The following PDE4B variants were observed in gnomAD, a reference collection of about 807,000 sequenced individuals.
PDE4B encodes the protein phosphodiesterase 4B, also known as 3',5'-cyclic-AMP phosphodiesterase 4B.
A neutral mutation model predicts 82.2 loss-of-function variants in PDE4B; 20 were observed. The observed-to-expected ratio is 0.24, with a 90% confidence interval of 0.17 to 0.35. The LOEUF (loss-of-function observed/expected upper bound fraction) is 0.35. Among genes scored for constraint, PDE4B ranks in the 10% least tolerant of loss-of-function variants. PDE4B has a pLI of 1.00. For missense variants in PDE4B, 655 were observed against 907.2 expected (o/e 0.72, Z 3.57); for synonymous variants, 320 against 318.9 (o/e 1.00, Z -0.04).
At position 66,078,669 on chromosome 1, in the gene PDE4B, G is replaced by A. The variant is rs141957506; in HGVS notation, c.281+159834G>A. On this transcript the variant is annotated intron_variant, in intron 3 of 16. Coordinates refer to ENST00000341517, the MANE Select transcript of PDE4B (RefSeq NM_002600.4). ...CATTCTAGTGTTTACTGGGCAATTCGTCTTTTAAAAATCATGACAGCTTCC... is the reference window on the plus strand; with the variant it reads ...CATTCTAGTGTTTACTGGGCAATTCATCTTTTAAAAATCATGACAGCTTCC... Among the ~76,000 whole-genome samples the A allele has an allele frequency of 1.1e-4, 17 of 152,126 alleles. No individual in the cohort carries two copies. In the East Asian group the frequency reaches 1.9e-3, roughly 17 times the overall value.
At chr1:66,158,825 G>A (rs1646553038) in intron 3 of PDE4B, among the ~76,000 whole-genome samples, 1 of 152,114 alleles carries the variant, frequency 6.6e-6, no homozygotes, top group Admixed American at 6.5e-5. Flanking sequence ...TATGTTAAGT[G>A]AAATAAGCTA....
At position 65,913,252 on chromosome 1, in the gene PDE4B, A is replaced by G. The variant is rs1647117342; in HGVS notation, c.-63A>G. ...TGTTTTTTTCTCCTGTAGGTATTAA[A>G]AAGTGTCAGCAAACTGCATTGAATA... On this transcript the variant is annotated 5_prime_UTR_variant, in exon 2 of 17. Transcript: ENST00000341517. 21 of 1,469,236 alleles carry G rather than the reference A, an allele frequency of 1.4e-5. No homozygotes were observed. Among genetic ancestry groups the G allele is most frequent in the Non-Finnish European group, 2.9e-6 (3 of 1,049,082 alleles). 91.0% of individuals were successfully genotyped at this position (1,469,236 alleles called of 1,614,324 possible). A position where few individuals can be genotyped will look rare whatever the true frequency, so the allele number is the denominator to read the frequency against.
At chr1:65,884,918 C>T (rs1258318215) in intron 1 of PDE4B, among the ~76,000 whole-genome samples, 2 of 152,186 alleles carry the variant, frequency 1.3e-5, no homozygotes, top group Non-Finnish European at 2.9e-5. Flanking sequence ...TCAGAGTGAA[C>T]AGGCAACCTA....
chr1:66,258,079 C>A (rs890718371), intron 6 of PDE4B, among the ~76,000 whole-genome samples: 4 of 152,050 alleles, frequency 2.6e-5, no homozygotes, highest in Admixed American at 1.3e-4. Context: ...GTCTTTGTAC[C>A]CATAAGACTC....
chr1:66,032,933 C>T (rs1170691371), intron 3 of PDE4B, among the ~76,000 whole-genome samples: 3 of 152,118 alleles, frequency 2.0e-5, no homozygotes, highest in Non-Finnish European at 4.4e-5. Context: ...GGATTACAGG[C>T]GTGAGCCACC....
At chr1:66,001,105 C>T (rs1651840951) in intron 3 of PDE4B, among the ~76,000 whole-genome samples, 1 of 152,014 alleles carries the variant, frequency 6.6e-6, no homozygotes, top group East Asian at 1.9e-4. Context: ...ACAGACATTT[C>T]CAGATAATTT....
At chr1:65,865,976 A>T (rs929411077) in intron 1 of PDE4B, among the ~76,000 whole-genome samples, 8 of 152,062 alleles carry the variant, frequency 5.3e-5, no homozygotes, top group Admixed American at 2.6e-4. Context: ...TGCTCTGTAG[A>T]CCTAAACTTT....
chr1:66,159,076 C>T (rs867230470), intron 3 of PDE4B, among the ~76,000 whole-genome samples: 6 of 151,962 alleles, frequency 3.9e-5, no homozygotes, highest in African/African-American at 1.2e-4. Context: ...AAGATAGCTA[C>T]GAGAGAGAAT....
intron 3 of PDE4B, among the ~76,000 whole-genome samples, chr1:66,137,458 G>C (rs565616780): frequency 6.6e-6 from 1 of 152,180 alleles, no homozygotes; most frequent in African/African-American, 2.4e-5. Flanking sequence ...AGGGGATAAG[G>C]CTCTGTGCTA....
At chr1:66,290,726 C>G (rs1657011239) in intron 7 of PDE4B, among the ~76,000 whole-genome samples, 1 of 152,148 alleles carries the variant, frequency 6.6e-6, no homozygotes, top group African/African-American at 2.4e-5. Flanking sequence ...ACTATTATCC[C>G]TTACTAGTAT....
chr1:66,068,351 A>G (rs1486998773), intron 3 of PDE4B, among the ~76,000 whole-genome samples: 1 of 152,006 alleles, frequency 6.6e-6, no homozygotes, highest in African/African-American at 2.4e-5. Context: ...GTTGTGTAGC[A>G]GATATTAGAA....
chr1:66,113,052 A>G (rs186697246), intron 3 of PDE4B, among the ~76,000 whole-genome samples: 165 of 152,290 alleles, frequency 1.1e-3, no homozygotes, highest in South Asian at 1.9e-3. Flanking sequence ...ACACAATTGC[A>G]TTTAGAATTC....
chr1:66,003,913 A>G (rs886176775), intron 3 of PDE4B, among the ~76,000 whole-genome samples: 5 of 152,172 alleles, frequency 3.3e-5, no homozygotes, highest in African/African-American at 1.2e-4. Flanking sequence ...CTGCTCAGCC[A>G]GGTGTGAGTT....
intron 8 of PDE4B, among the ~76,000 whole-genome samples, chr1:66,353,122 G>T (rs938810748): frequency 5.9e-5 from 9 of 152,188 alleles, no homozygotes; most frequent in Non-Finnish European, 5.9e-5. Context: ...CTGAGCAGTT[G>T]TGTCTTTAAA....
chr1:65,917,550 G>A (rs1175568750), intron 2 of PDE4B, among the ~76,000 whole-genome samples: 1 of 152,152 alleles, frequency 6.6e-6, no homozygotes, highest in Non-Finnish European at 1.5e-5. Flanking sequence ...GGTACACCAG[G>A]CAGAGGCTCA....
chr1:66,017,221 A>ATT (rs1652828940), intron 3 of PDE4B, among the ~76,000 whole-genome samples: 1 of 152,218 alleles, frequency 6.6e-6, no homozygotes, highest in African/African-American at 2.4e-5. Context: ...AGTATCTCTC[A>ATT]TTCTGCTGCA....
At chr1:65,812,501 T>C (rs980828543) in intron 1 of PDE4B, among the ~76,000 whole-genome samples, 12 of 152,200 alleles carry the variant, frequency 7.9e-5, no homozygotes, top group Admixed American at 3.3e-4. Flanking sequence ...GTTTTAACTA[T>C]AGGTTGGTGG....
chr1:66,231,977 T>C (rs1651986547), intron 3 of PDE4B, among the ~76,000 whole-genome samples: 2 of 152,194 alleles, frequency 1.3e-5, no homozygotes, highest in South Asian at 2.1e-4. Flanking sequence ...CACCTTAATT[T>C]GGCTTTGGGG....
intron 3 of PDE4B, among the ~76,000 whole-genome samples, chr1:66,012,608 A>G (rs902119664): frequency 6.6e-6 from 1 of 152,100 alleles, no homozygotes; most frequent in African/African-American, 2.4e-5. Context: ...TGAGCCCAGT[A>G]TGAGGAAACT....
Sources: allele counts gnomAD v4.1 joint callset (sites outside exome capture counted in the v4.1 genomes callset), GRCh38; gene constraint gnomAD v4.1.1; transcripts MANE v1.5; gene names NCBI Gene and HGNC (gene_info 2026-07-23, HGNC 2026-07-21).